Variants in INO80D observed in about 807,000 individuals in gnomAD.
INO80D encodes INO80 complex subunit D.
INO80D carries 21 observed loss-of-function variants against 87.6 expected under a neutral mutation model. The ratio of observed to expected loss-of-function variants is 0.24; its 90% CI spans 0.17 to 0.35. The LOEUF (loss-of-function observed/expected upper bound fraction) is 0.35, where lower values mean the gene tolerates loss of function less well. Ranked by LOEUF, INO80D falls within the 10% of genes least tolerant of loss-of-function variation. The pLI is 1.00. For synonymous variants in INO80D, 440 were observed against 491.0 expected (o/e 0.90, Z 1.37); for missense variants, 982 against 1,280.7 (o/e 0.77, Z 3.56).
chr2:206,072,399 C>G (rs1157076197), intron 1 of INO80D, among the ~76,000 whole-genome samples: 1 of 151,956 alleles, frequency 6.6e-6, no homozygotes, highest in East Asian at 1.9e-4. Context: ...CCTCAGCCTC[C>G]TGAGTAGCTG....
intron 1 of INO80D, among the ~76,000 whole-genome samples, chr2:206,079,915 C>T (rs1223298291): frequency 6.6e-6 from 1 of 152,110 alleles, no homozygotes; most frequent in Non-Finnish European, 1.5e-5. Flanking sequence ...ACTTTGATTC[C>T]TACTTACAGG....
chr2:206,075,131 A>C (rs1690077909), intron 1 of INO80D, among the ~76,000 whole-genome samples: 3 of 152,144 alleles, frequency 2.0e-5, no homozygotes, highest in Non-Finnish European at 4.4e-5. Flanking sequence ...ACTTCTTACA[A>C]ATACAGAGGA....
At position 205,999,355 on chromosome 2, in the gene INO80D, G is replaced by A. The variant is rs1260900417; in HGVS notation, c.*5013C>T. 1 of 152,214 alleles carries A rather than the reference G, an allele frequency of 6.6e-6. No homozygotes were observed. Among genetic ancestry groups the A allele is most frequent in the Non-Finnish European group, 1.5e-5 (1 of 68,042 alleles). 9.4% of individuals were successfully genotyped at this position (152,214 alleles called of 1,614,324 possible). ...AGATGGAAAGCTGTGCTGCCCTATGGAGCTCACTGAGAGTTAGATTTTTCT... is the reference window on the plus strand; with the variant it reads ...AGATGGAAAGCTGTGCTGCCCTATGAAGCTCACTGAGAGTTAGATTTTTCT... On this transcript the variant is annotated 3_prime_UTR_variant, in exon 11 of 11. Coordinates refer to ENST00000403263, the MANE Select transcript of INO80D (RefSeq NM_017759.5).
At chr2:206,041,023 C>T (rs149129380) in intron 5 of INO80D, among the ~76,000 whole-genome samples, 18 of 152,274 alleles carry the variant, frequency 1.2e-4, no homozygotes, top group African/African-American at 4.3e-4. Flanking sequence ...TGGTTTAACA[C>T]TTGAAGGTAG....
At position 205,997,880 on chromosome 2, in the gene INO80D, T is replaced by C. The variant is rs1022568223; in HGVS notation, c.*6488A>G. The C allele has an allele frequency of 1.3e-5, 2 of 152,208 alleles. No individual in the cohort carries two copies. Among genetic ancestry groups the C allele is most frequent in the Admixed American group, 6.5e-5 (1 of 15,280 alleles). 9.4% of individuals were successfully genotyped at this position (152,208 alleles called of 1,614,324 possible). On this transcript the variant is annotated 3_prime_UTR_variant, in exon 11 of 11. Transcript: ENST00000403263. The stretch of plus-strand genomic sequence containing the variant: ...TCTACAATACATTCGGTTACCTTTA[T>C]CTATTTTTATATAAGCACACATTCA...
intron 1 of INO80D, among the ~76,000 whole-genome samples, chr2:206,078,062 A>G (rs7588182): frequency 6.4e-4 from 26 of 40,372 alleles, no homozygotes; most frequent in South Asian, 4.5e-3. Flanking sequence ...CAATGTTTAC[A>G]AAAAAAAAAA....
chr2:206,068,875 ATT>A (rs1219241746), intron 1 of INO80D, among the ~76,000 whole-genome samples: 1 of 151,772 alleles, frequency 6.6e-6, no homozygotes, highest in Non-Finnish European at 1.5e-5. Flanking sequence ...AATTTTCTGT[ATT>A]TTTTGTAGAG....
chr2:206,049,550 A>C (rs1689291237), intron 4 of INO80D, among the ~76,000 whole-genome samples: 1 of 152,194 alleles, frequency 6.6e-6, no homozygotes, highest in Non-Finnish European at 1.5e-5. Flanking sequence ...CATAAAAACT[A>C]AGACGGAAGT....
intron 5 of INO80D, among the ~76,000 whole-genome samples, chr2:206,032,188 C>A (rs796584048): frequency 1.9e-4 from 29 of 152,276 alleles, no homozygotes; most frequent in African/African-American, 6.7e-4. Context: ...GCCTCCTGGC[C>A]AGAATGTGGG....
In INO80D at chr2:206,009,496, T is replaced by C. The variant is rs912300750; in HGVS notation, c.1760+81A>G. 1.6e-5 allele frequency: 20 copies of C among 1,237,596 alleles called. No homozygotes were observed. The African/African-American group carries it at 3.0e-4, about 19-fold the overall frequency. The allele number at this position is 1,237,596 out of a possible 1,614,324, so 76.7% of individuals were successfully genotyped here. Reference sequence around the variant, plus strand: ...GGTTTCTGTAGCCTAGTGACAACTTTACAATAACCACATGAAGCTAGATGT... The same window carrying C: ...GGTTTCTGTAGCCTAGTGACAACTTCACAATAACCACATGAAGCTAGATGT... On this transcript the variant is annotated intron_variant, in intron 9 of 10. Transcript: ENST00000403263.
intron 4 of INO80D, among the ~76,000 whole-genome samples, chr2:206,048,335 G>A (rs1689255570): frequency 6.6e-6 from 1 of 152,114 alleles, no homozygotes; most frequent in Admixed American, 6.5e-5. Context: ...CCGGGCTCAA[G>A]TGATCCTCCC....
At chr2:206,030,017 G>A (rs1400211439) in intron 5 of INO80D, among the ~76,000 whole-genome samples, 1 of 152,164 alleles carries the variant, frequency 6.6e-6, no homozygotes, top group Non-Finnish European at 1.5e-5. Context: ...ATAGGGCCCA[G>A]GATTCTTCAT....
Position 206,000,291 on chromosome 2 carries a change from A to G in INO80D, c.*4077T>C, listed in dbSNP as rs1219218595. The G allele has an allele frequency of 6.6e-6, 1 of 151,768 alleles. No homozygotes were observed. Among genetic ancestry groups the G allele is most frequent in the Non-Finnish European group, 1.5e-5 (1 of 67,976 alleles). 9.4% of individuals were successfully genotyped at this position (151,768 alleles called of 1,614,324 possible). A position where few individuals can be genotyped will look rare whatever the true frequency, so the allele number is the denominator to read the frequency against. Reference sequence around the variant, plus strand: ...GTGTTCATATACTCATCTTTTTGCAATACCAACCCATAGCGACCTTCTGAA... The same window carrying G: ...GTGTTCATATACTCATCTTTTTGCAGTACCAACCCATAGCGACCTTCTGAA... On this transcript the variant is annotated 3_prime_UTR_variant, in exon 11 of 11. Coordinates refer to ENST00000403263, the MANE Select transcript of INO80D (RefSeq NM_017759.5).
At position 206,003,936 on chromosome 2, in the gene INO80D, C is replaced by T. The variant is rs1159006770; in HGVS notation, c.*432G>A. The T allele has an allele frequency of 5.4e-6, 1 of 184,752 alleles. No homozygotes were observed. Among genetic ancestry groups the T allele is most frequent in the Non-Finnish European group, 1.2e-5 (1 of 85,672 alleles). 11.4% of individuals were successfully genotyped at this position (184,752 alleles called of 1,614,324 possible). A position where few individuals can be genotyped will look rare whatever the true frequency, so the allele number is the denominator to read the frequency against. On this transcript the variant is annotated 3_prime_UTR_variant, in exon 11 of 11. Coordinates refer to ENST00000403263, the MANE Select transcript of INO80D (RefSeq NM_017759.5). The stretch of plus-strand genomic sequence containing the variant: ...ATCTTGACCTGCCACACACCATTTG[C>T]TGTCTCTTATACAGGAACTCAATTA...
At chr2:206,021,831 CT>C (rs1688473184) in intron 6 of INO80D, among the ~76,000 whole-genome samples, 1 of 151,340 alleles carries the variant, frequency 6.6e-6, no homozygotes, top group African/African-American at 2.4e-5. Context: ...CTGGGCTGGT[CT>C]TGAACTCCTG....
intron 5 of INO80D, among the ~76,000 whole-genome samples, chr2:206,030,379 T>C (rs1438388821): frequency 1.3e-5 from 2 of 151,894 alleles, no homozygotes; most frequent in African/African-American, 4.8e-5. Flanking sequence ...AGGAGAATCA[T>C]TTGAACCTGG....
intron 8 of INO80D, among the ~76,000 whole-genome samples, chr2:206,015,872 G>C (rs1220167152): frequency 6.6e-6 from 1 of 152,048 alleles, no homozygotes; most frequent in Non-Finnish European, 1.5e-5. Flanking sequence ...GGGTGACAGA[G>C]TGAGACTCTG....
At chr2:206,059,637 A>G (rs1409854571) in intron 3 of INO80D, among the ~76,000 whole-genome samples, 2 of 152,190 alleles carry the variant, frequency 1.3e-5, no homozygotes, top group Non-Finnish European at 2.9e-5. Flanking sequence ...TAAATCTATC[A>G]GAGGCACTCT....
At chr2:206,059,749 G>T (rs1689634497) in intron 3 of INO80D, among the ~76,000 whole-genome samples, 1 of 152,114 alleles carries the variant, frequency 6.6e-6, no homozygotes, top group Non-Finnish European at 1.5e-5. Flanking sequence ...CCGTGTGTGT[G>T]TGTGTCTGTG....
Sources: allele counts gnomAD v4.1 joint callset (sites outside exome capture counted in the v4.1 genomes callset), GRCh38; gene constraint gnomAD v4.1.1; transcripts MANE v1.5; gene names NCBI Gene and HGNC (gene_info 2026-07-23, HGNC 2026-07-21).